Variants in DLGAP2 observed in about 807,000 individuals in gnomAD.
The protein encoded by DLGAP2 is DLG associated protein 2.
DLGAP2 carries 26 observed loss-of-function variants against 100.3 expected under a neutral mutation model. The ratio of observed to expected loss-of-function variants is 0.26; its 90% CI spans 0.19 to 0.36. DLGAP2 has a LOEUF of 0.36. DLGAP2 is among the 10% of genes least tolerant of loss of function. The pLI is 1.00. For synonymous variants in DLGAP2, 886 were observed against 630.1 expected, an observed-to-expected ratio of 1.41 and a Z score of -6.08; for missense variants, 1,858 against 1,453.2, an observed-to-expected ratio of 1.28 and a Z score of -4.53.
chr8:903,807 G>A (rs1315144523), intron 1 of DLGAP2, among the ~76,000 whole-genome samples: 4 of 152,188 alleles, frequency 2.6e-5, no homozygotes, highest in Non-Finnish European at 5.9e-5. Flanking sequence ...AAACCAAGTC[G>A]GCACATTTCT....
chr8:1,351,978 C>T (rs1468768554), intron 3 of DLGAP2, among the ~76,000 whole-genome samples: 4 of 67,228 alleles, frequency 5.9e-5, no homozygotes, highest in East Asian at 9.7e-4. Flanking sequence ...GTGGAAACGC[C>T]GTGCGGGTCC....
rs141833819 is a variant in DLGAP2 at position 1,444,977 on chromosome 8, A to G, written c.107-56389A>G. On this transcript the variant is annotated intron_variant, in intron 3 of 14. Coordinates refer to ENST00000637795, the MANE Select transcript of DLGAP2 (RefSeq NM_001346810.2). ...AGTAGAGACAGGGTTTCACCGTGTT[A>G]GCCAGGATGATCTTGATCTCTTGAC... Among the ~76,000 whole-genome samples the G allele has an allele frequency of 4.0e-3, 611 of 151,376 alleles. 4 individuals are homozygous for G. The highest frequency in any genetic ancestry group is 0.014 in the African/African-American group (568 of 41,278).
intron 2 of DLGAP2, among the ~76,000 whole-genome samples, chr8:1,114,263 A>G (rs921537855): frequency 6.6e-6 from 1 of 152,074 alleles, no homozygotes; most frequent in African/African-American, 2.4e-5. Flanking sequence ...TAATAGGTTC[A>G]GTAGAAATAG....
chr8:930,614 C>T (rs1184570526), intron 2 of DLGAP2, among the ~76,000 whole-genome samples: 2 of 152,212 alleles, frequency 1.3e-5, no homozygotes, highest in African/African-American at 2.4e-5. Context: ...AGGGCAGGTG[C>T]GTCCTGGGCT....
intron 2 of DLGAP2, among the ~76,000 whole-genome samples, chr8:1,108,846 G>A (rs1246978855): frequency 7.7e-5 from 10 of 129,504 alleles, no homozygotes; most frequent in Middle Eastern, 5.0e-3. Context: ...AGTGTGCTGG[G>A]TCTGTGAGGT....
chr8:1,537,607 C>G (rs113218424), intron 4 of DLGAP2, among the ~76,000 whole-genome samples: 2 of 152,066 alleles, frequency 1.3e-5, no homozygotes, highest in African/African-American at 4.8e-5. Flanking sequence ...AGGACAGGGA[C>G]CATCCTGCTC....
chr8:1,656,120 T>A (rs1428760345), intron 8 of DLGAP2, among the ~76,000 whole-genome samples: 1 of 152,154 alleles, frequency 6.6e-6, no homozygotes, highest in Non-Finnish European at 1.5e-5. Context: ...GGTTGGGAGT[T>A]TGAGACCAGC....
At chr8:1,470,810 C>A (rs75396356) in intron 3 of DLGAP2, among the ~76,000 whole-genome samples, 1 of 109,160 alleles carries the variant, frequency 9.2e-6, no homozygotes. Context: ...CCAGCCTTTC[C>A]CGACCCCTCC....
intron 1 of DLGAP2, among the ~76,000 whole-genome samples, chr8:887,349 T>A (rs561571294): frequency 6.6e-6 from 1 of 152,230 alleles, no homozygotes; most frequent in Non-Finnish European, 1.5e-5. Flanking sequence ...TGTCTGTTAA[T>A]TGGGGGCATT....
intron 2 of DLGAP2, among the ~76,000 whole-genome samples, chr8:1,059,204 T>C (rs1445864554): frequency 1.3e-5 from 2 of 152,174 alleles, no homozygotes; most frequent in South Asian, 2.1e-4. Flanking sequence ...GCTTCACTTA[T>C]AGGGAGAGGC....
chr8:1,666,560 A>T (rs1169633353), intron 8 of DLGAP2, among the ~76,000 whole-genome samples: 1 of 151,950 alleles, frequency 6.6e-6, no homozygotes, highest in Non-Finnish European at 1.5e-5. Context: ...AAGCGCTGTA[A>T]TCCCAGCTAC....
intron 3 of DLGAP2, among the ~76,000 whole-genome samples, chr8:1,361,769 G>A (rs905357321): frequency 6.6e-5 from 10 of 152,226 alleles, no homozygotes; most frequent in Non-Finnish European, 1.2e-4. Flanking sequence ...CAAAAATCCA[G>A]TGGAGGAGAA....
intron 6 of DLGAP2, among the ~76,000 whole-genome samples, chr8:1,612,436 C>A (rs1366338486): frequency 4.3e-5 from 6 of 138,794 alleles, no homozygotes; most frequent in Non-Finnish European, 9.4e-5. Context: ...ACCATAAAAA[C>A]CCTAGAAGAA....
intron 1 of DLGAP2, among the ~76,000 whole-genome samples, chr8:757,672 C>G (rs752704256): frequency 6.6e-6 from 1 of 152,198 alleles, no homozygotes; most frequent in Non-Finnish European, 1.5e-5. Flanking sequence ...GGGACCATAT[C>G]TGAGATCAGA....
At chr8:928,601 T>A (rs1018025152) in intron 2 of DLGAP2, among the ~76,000 whole-genome samples, 9 of 151,904 alleles carry the variant, frequency 5.9e-5, no homozygotes, top group Non-Finnish European at 1.3e-4. Flanking sequence ...GCATAAGGTT[T>A]TTGATTTAGA....
At chr8:1,187,768 C>G (rs1412651591) in intron 2 of DLGAP2, among the ~76,000 whole-genome samples, 1 of 140,080 alleles carries the variant, frequency 7.1e-6, no homozygotes, top group Non-Finnish European at 1.5e-5. Flanking sequence ...CGGAATCTCA[C>G]ACGCCCGGGA....
At chr8:1,176,882 G>C (rs994611531) in intron 2 of DLGAP2, among the ~76,000 whole-genome samples, 4 of 152,124 alleles carry the variant, frequency 2.6e-5, no homozygotes, top group African/African-American at 9.7e-5. Flanking sequence ...CCAAGGACTA[G>C]ATATGTCACC....
At chr8:1,665,229 A>G (rs1336924567) in intron 8 of DLGAP2, among the ~76,000 whole-genome samples, 1 of 152,146 alleles carries the variant, frequency 6.6e-6, no homozygotes, top group African/African-American at 2.4e-5. Context: ...GACTCTTTAA[A>G]TTTTACTTAA....
intron 3 of DLGAP2, among the ~76,000 whole-genome samples, chr8:1,416,271 G>A (rs373859500): frequency 6.6e-6 from 1 of 152,180 alleles, no homozygotes; most frequent in Non-Finnish European, 1.5e-5. Flanking sequence ...CGGCCTGGCG[G>A]GGGATTGTAG....
Sources: allele counts gnomAD v4.1 joint callset (sites outside exome capture counted in the v4.1 genomes callset), GRCh38; gene constraint gnomAD v4.1.1; transcripts MANE v1.5; gene names NCBI Gene and HGNC (gene_info 2026-07-23, HGNC 2026-07-21).